LINGO2: variants seen among roughly 807,000 people sequenced by gnomAD.
LINGO2 encodes leucine rich repeat and Ig domain containing 2, also known as leucine-rich repeat and immunoglobulin-like domain-containing nogo receptor-interacting protein 2.
Under a neutral mutation model 30.6 loss-of-function variants are expected in LINGO2, and 14 were observed. The observed-to-expected ratio is 0.46, with a 90% CI of 0.30 to 0.72. The LOEUF is 0.72. LINGO2 is among the 30% of genes least tolerant of loss of function. The pLI is 0.07. For synonymous variants in LINGO2, 317 were observed against 288.5 expected (o/e 1.10, Z -1.00); for missense variants, 729 against 751.7 (o/e 0.97, Z 0.35).
At chr9:28,662,228 G>C (rs1828612198) in intron 1 of LINGO2, among the ~76,000 whole-genome samples, 2 of 152,124 alleles carry the variant, frequency 1.3e-5, no homozygotes, top group African/African-American at 4.8e-5. Flanking sequence ...ATCCAGAGCG[G>C]GGCCCAATGC....
chr9:28,228,921 T>C (rs1309487353), intron 4 of LINGO2, among the ~76,000 whole-genome samples: 1 of 151,856 alleles, frequency 6.6e-6, no homozygotes, highest in Admixed American at 6.6e-5. Context: ...TTGATTAGCA[T>C]AGAAATTAAA....
At chr9:29,129,812 G>C in the LINGO2 span, among the ~76,000 whole-genome samples, 1 of 152,112 alleles carries the variant, frequency 6.6e-6, no homozygotes, top group South Asian at 2.1e-4. Context: ...AGGTTGTAGA[G>C]ATGGTGGTTT....
chr9:28,407,175 G>T (rs986020212), intron 2 of LINGO2, among the ~76,000 whole-genome samples: 1 of 150,874 alleles, frequency 6.6e-6, no homozygotes, highest in Non-Finnish European at 1.5e-5. Context: ...AAGAAGGAAG[G>T]ACATAAGAAA....
intron 4 of LINGO2, among the ~76,000 whole-genome samples, chr9:28,211,032 T>A (rs1443452786): frequency 1.3e-5 from 2 of 151,524 alleles, no homozygotes; most frequent in African/African-American, 2.4e-5. Flanking sequence ...TGTAAGTTGA[T>A]TGAGAAAATG....
chr9:28,268,311 T>C (rs1822824529), intron 4 of LINGO2, among the ~76,000 whole-genome samples: 1 of 152,006 alleles, frequency 6.6e-6, no homozygotes, highest in South Asian at 2.1e-4. Context: ...ATTAGAAGAG[T>C]ACCACAGTCT....
At chr9:29,001,065 T>C in the LINGO2 span, among the ~76,000 whole-genome samples, 2 of 149,426 alleles carry the variant, frequency 1.3e-5, no homozygotes, top group Admixed American at 1.4e-4. Context: ...CATTGTTCAG[T>C]AAAGATTTTG....
chr9:28,931,479 G>A, the LINGO2 span, among the ~76,000 whole-genome samples: 1 of 152,154 alleles, frequency 6.6e-6, no homozygotes, highest in Non-Finnish European at 1.5e-5. Context: ...TGCATTGCAG[G>A]AAGAGATCAG....
At chr9:28,189,525 AAGGGAGGGAGGG>A (rs1159149233) in intron 4 of LINGO2, among the ~76,000 whole-genome samples, 159 of 13,816 alleles carry the variant, frequency 0.012, 15 homozygotes, top group African/African-American at 0.015. Flanking sequence ...GGGAGGAAGG[AAGGGAGGGAGGG>A]AGGGAGGGAG....
the LINGO2 span, among the ~76,000 whole-genome samples, chr9:29,082,327 G>A: frequency 6.6e-6 from 1 of 152,116 alleles, no homozygotes; most frequent in East Asian, 1.9e-4. Context: ...CAAGAAATGG[G>A]GAAAGGATTT....
At chr9:29,060,345 C>A in the LINGO2 span, among the ~76,000 whole-genome samples, 1 of 152,046 alleles carries the variant, frequency 6.6e-6, no homozygotes, top group Non-Finnish European at 1.5e-5. Context: ...GGACTCACTG[C>A]TGAGCTGCAT....
At chr9:28,149,097 G>C in intron 4 of LINGO2, 1 of 1,531,960 alleles carries the variant, frequency 6.5e-7, no homozygotes, top group Non-Finnish European at 8.7e-7. Flanking sequence ...GCTTCCCAAA[G>C]AGAAGGACGC....
At chr9:28,578,863 C>G (rs1824121122) in intron 1 of LINGO2, among the ~76,000 whole-genome samples, 5 of 151,994 alleles carry the variant, frequency 3.3e-5, no homozygotes, top group Admixed American at 3.3e-4. Context: ...GCAGATGTAG[C>G]CTGTTCTTGA....
At chr9:28,630,799 T>C (rs1275539759) in intron 1 of LINGO2, among the ~76,000 whole-genome samples, 1 of 152,024 alleles carries the variant, frequency 6.6e-6, no homozygotes, top group Non-Finnish European at 1.5e-5. Context: ...AGCTAATACT[T>C]AGTTTAACAC....
the LINGO2 span, among the ~76,000 whole-genome samples, chr9:28,736,292 C>G: frequency 7.2e-5 from 11 of 152,076 alleles, no homozygotes; most frequent in Non-Finnish European, 1.3e-4. Context: ...CAGGATTGCC[C>G]CAGTCTTTTG....
rs1194572985 is a variant in LINGO2 at position 28,506,521 on chromosome 9, T to A, written c.-364-30496A>T. ...ACACACAGACATATATATATATATA[T>A]AAACTGTTGGGGACTAAGTGCCCTC... On this transcript the variant is annotated intron_variant, in intron 1 of 5. Coordinates refer to ENST00000379992, the Ensembl canonical transcript of LINGO2. Among the ~76,000 whole-genome samples the A allele has an allele frequency of 8.5e-4, 112 of 131,212 alleles. 3 individuals carry two copies. The highest frequency in any genetic ancestry group is 3.0e-3 in the African/African-American group (107 of 36,090). 86.1% of individuals were successfully genotyped at this position (131,212 alleles called of 152,430 possible).
the LINGO2 span, among the ~76,000 whole-genome samples, chr9:29,122,200 G>A: frequency 2.0e-5 from 3 of 151,918 alleles, no homozygotes; most frequent in African/African-American, 4.8e-5. Flanking sequence ...TATAGCAGGA[G>A]AAACTAAATA....
chr9:28,380,474 T>C lies in LINGO2; in HGVS notation c.-278-7606A>G, dbSNP rs75605485. 5.2e-3 allele frequency among the ~76,000 whole-genome samples: 769 copies of C among 149,002 alleles called. 5 individuals are homozygous for C. The highest frequency in any genetic ancestry group is 0.018 in the African/African-American group (739 of 40,382). The stretch of plus-strand genomic sequence containing the variant: ...TCCATGAAAAATTGGTTAATGGAAA[T>C]AGATGGAGAAGTAGGAGGTGGCAGT... On this transcript the variant is annotated intron_variant, in intron 2 of 5. Transcript: ENST00000379992.
chr9:27,960,978 A>G (rs1441806008), intron 5 of LINGO2, among the ~76,000 whole-genome samples: 1 of 152,118 alleles, frequency 6.6e-6, no homozygotes, highest in African/African-American at 2.4e-5. Flanking sequence ...TCCAATTTAT[A>G]ATGGTCGATT....
intron 3 of LINGO2, among the ~76,000 whole-genome samples, chr9:28,359,157 G>C (rs572058413): frequency 2.6e-5 from 4 of 152,130 alleles, no homozygotes; most frequent in Non-Finnish European, 5.9e-5. Flanking sequence ...TCACGGTTTT[G>C]GATAGGGGAT....
Sources: gnomAD v4.1 joint callset for allele counts (sites outside exome capture counted in the v4.1 genomes callset) on GRCh38, gnomAD v4.1.1 for gene constraint, MANE v1.5 for transcripts, NCBI Gene and HGNC (gene_info 2026-07-23, HGNC 2026-07-21) for gene names.